Variants in COL6A3 observed in about 807,000 individuals in gnomAD.
COL6A3 encodes collagen type VI alpha 3 chain.
In COL6A3, 137 loss-of-function variants were observed where a neutral mutation model predicts 274.1. The observed-to-expected ratio is 0.50, with a 90% confidence interval of 0.44 to 0.58. The LOEUF is 0.58. COL6A3 is among the 20% of genes least tolerant of loss of function. The pLI is 0.00. For synonymous variants in COL6A3, 1,650 were observed against 1,650.6 expected, an observed-to-expected ratio of 1.00 and a Z score of 0.01; for missense variants, 3,950 against 4,124.9, an observed-to-expected ratio of 0.96 and a Z score of 1.16.
At position 237,394,767 on chromosome 2, in the gene COL6A3, C is replaced by G; in HGVS notation, c.529G>C (p.Val177Leu). 1 of 1,614,228 alleles carries G rather than the reference C, an allele frequency of 6.2e-7. No homozygotes were observed. The highest frequency in any genetic ancestry group is 2.2e-5 in the East Asian group (1 of 44,890). ...AACGCTCCTTCATCTGCATCCTCAA[C>G]TCCAATTGCAAACACGTTAACATCA... ...SADVNVFAIG[V>L]EDADEGALKE... The change falls in exon 3 of 44, where the codon GTT becomes CTT. Residue 177 changes from valine (V) to leucine (L), a missense_variant. Val to Leu is a conservative substitution (Grantham distance 32). Around this residue, in one of 5 missense-constraint regions of COL6A3, gnomAD observed 1,934 missense variants for 1,984.3 expected, o/e 0.97. Transcript: ENST00000295550.
Position 237,395,312 on chromosome 2 carries a change from C to T in COL6A3, c.92-108G>A, listed in dbSNP as rs2078409959. 3.4e-5 allele frequency: 37 copies of T among 1,093,450 alleles called. 1 individual carries two copies. The South Asian group carries it at 5.1e-4, about 15-fold the overall frequency. The allele number at this position is 1,093,450 out of a possible 1,614,324, so 67.7% of individuals were successfully genotyped here. ...TGGTTTACACTATACTGCTACTAAA[C>T]ACTTCACACCTCACTGATAATACAG... On this transcript the variant is annotated intron_variant, in intron 2 of 43. Coordinates refer to ENST00000295550, the MANE Select transcript of COL6A3 (RefSeq NM_004369.4).
At chr2:237,369,311 G>A (rs772649524) in intron 9 of COL6A3, 134 bp from the exon 10 acceptor site, 96 of 1,263,158 alleles carry the variant, frequency 7.6e-5, no homozygotes, top group Admixed American at 1.7e-4. Flanking sequence ...TTTGTATCTC[G>A]GGCTTTTTGA....
Position 237,348,342 on chromosome 2 carries a change from T to G in COL6A3, c.6966+7A>C. ...TGATGATGCTTCACCGACCAGGGAT[T>G]ATTTACCTTTGGTCCTGGGTATCCA... On this transcript the variant is annotated splice_region_variant and intron_variant, in intron 30 of 43. Coordinates refer to ENST00000295550, the MANE Select transcript of COL6A3 (RefSeq NM_004369.4). 1 of 1,606,844 alleles carries G rather than the reference T, an allele frequency of 6.2e-7. No individual in the cohort carries two copies. Among genetic ancestry groups the G allele is most frequent in the Non-Finnish European group, 8.5e-7 (1 of 1,173,390 alleles).
intron 1 of COL6A3, among the ~76,000 whole-genome samples, chr2:237,404,304 T>C (rs1356102483): frequency 6.6e-6 from 1 of 152,164 alleles, no homozygotes; most frequent in East Asian, 1.9e-4. Context: ...TAAGGGTCCA[T>C]GTTTGTATGT....
At chr2:237,383,946 G>C (rs1250338523) in intron 4 of COL6A3, among the ~76,000 whole-genome samples, 1 of 152,080 alleles carries the variant, frequency 6.6e-6, no homozygotes, top group African/African-American at 2.4e-5. Flanking sequence ...GTTCCCAGAG[G>C]CTCTGTCCCA....
Position 237,336,360 on chromosome 2 carries a change from G to A in COL6A3, c.8740C>T (p.Pro2914Ser), listed in dbSNP as rs1373565294. 1 of 1,614,158 alleles carries A rather than the reference G, an allele frequency of 6.2e-7. No homozygotes were observed. The part of the protein sequence containing the change: ...SVKPAAAKPA[P>S]AKPVAAKPVA... ...GGCTTGGCAGCCACAGGTTTCGCAG[G>A]GGCCGGCTTTGCAGCGGCTGGCTTC... The change falls in exon 40 of 44, where the codon CCT (proline) becomes TCT (serine). Residue 2914 changes from proline (P) to serine (S), a missense_variant. By Grantham distance (74) the Pro-to-Ser change is moderately conservative (BLOSUM62 -1). Coordinates refer to ENST00000295550, the MANE Select transcript of COL6A3 (RefSeq NM_004369.4).
Position 237,374,727 on chromosome 2 carries a change from T to G in COL6A3, c.3364A>C (p.Ser1122Arg), listed in dbSNP as rs1333400103. The change falls in exon 8 of 44, where the codon AGC becomes CGC. Residue 1122 changes from serine (S) to arginine (R), a missense_variant. Ser to Arg is a moderately radical substitution (Grantham distance 110). This residue lies in a region of COL6A3 where 1,934 missense variants were observed against 1,984.3 expected (regional missense o/e 0.97). Transcript: ENST00000295550. The surrounding 1 kb of genome is among the most constrained non-coding windows in gnomAD (Gnocchi z 4.8). The part of the protein sequence containing the change: ...LEFVLRNILV[S>R]SAGSRITEGV... ...TCTGTTATCCTGCTTCCCGCAGAGCTGACCAGGATGTTCCTCAGGACAAAC... is the reference window on the plus strand; with the variant it reads ...TCTGTTATCCTGCTTCCCGCAGAGCGGACCAGGATGTTCCTCAGGACAAAC... 6.2e-7 allele frequency: 1 copy of G among 1,613,250 alleles called. No homozygotes were observed. Among genetic ancestry groups the G allele is most frequent in the Non-Finnish European group, 8.5e-7 (1 of 1,179,304 alleles).
At chr2:237,347,098 G>C (rs1199809795) in intron 31 of COL6A3, among the ~76,000 whole-genome samples, 1 of 151,936 alleles carries the variant, frequency 6.6e-6, no homozygotes, top group Non-Finnish European at 1.5e-5. Context: ...ATTTTAAGAG[G>C]GTGAGTAAAC....
At chr2:237,333,623 T>A (rs939547308) in intron 41 of COL6A3, 75 bp from the exon 42 acceptor site, 2 of 1,271,530 alleles carry the variant, frequency 1.6e-6, no homozygotes, top group Admixed American at 1.8e-5. Context: ...GTGACTGATA[T>A]AAGGTTGCCT....
Position 237,371,791 on chromosome 2 carries a change from G to A in COL6A3, c.4226C>T (p.Thr1409Met), listed in dbSNP as rs368928992. ...SLEQKLLTPITTLTSEQIQKL... is the reference protein window; with the variant it reads ...SLEQKLLTPIMTLTSEQIQKL... ...CTGGATCTGCTCTGAGGTCAGGGTC[G>A]TGATGGGCGTCAGCAGTTTCTGCTC... The change falls in exon 9 of 44, where the codon ACG becomes ATG. Residue 1409 changes from threonine to methionine, a missense_variant. Thr to Met is a moderately conservative substitution (Grantham distance 81). Transcript: ENST00000295550. This position sits in a 1 kb window ranked among gnomAD's most constrained non-coding sequence, Gnocchi z 4.3. 33 of 1,613,766 alleles carry A rather than the reference G, an allele frequency of 2.0e-5. No homozygotes were observed. The highest frequency in any genetic ancestry group is 4.0e-5 in the African/African-American group (3 of 74,910).
chr2:237,341,058 T>A lies in COL6A3; in HGVS notation c.7858A>T (p.Met2620Leu). The A allele has an allele frequency of 6.2e-7, 1 of 1,614,146 alleles. No individual in the cohort carries two copies. Among genetic ancestry groups the A allele is most frequent in the Non-Finnish European group, 8.5e-7 (1 of 1,180,026 alleles). The change falls in exon 38 of 44, where the codon ATG (methionine) becomes TTG (leucine). Residue 2620 changes from methionine to leucine, a missense_variant. By Grantham distance (15) the Met-to-Leu change is conservative. Around this residue, in one of 5 missense-constraint regions of COL6A3, gnomAD observed 1,284 missense variants for 1,349.7 expected, o/e 0.95. Coordinates refer to ENST00000295550, the MANE Select transcript of COL6A3 (RefSeq NM_004369.4). ...TCAGCGCTGTCTAAGATGAAAGCCA[T>A]GTCGATGTCCACATCGCTCCCTGCC... ...RAAGSDVDIDMAFILDSAETT... is the reference protein window; with the variant it reads ...RAAGSDVDIDLAFILDSAETT...
Position 237,372,388 on chromosome 2 carries a change from A to T in COL6A3, c.3680-51T>A, listed in dbSNP as rs570937430. ...TCACCTTCATCGTCACCAAATTCTT[A>T]GCGTTCATGAGCCACCGCCCAGTTT... On this transcript the variant is annotated intron_variant, in intron 8 of 43. Transcript: ENST00000295550. 13 of 1,599,802 alleles carry T rather than the reference A, an allele frequency of 8.1e-6. No homozygotes were observed. The South Asian group carries it at 1.4e-4, about 18-fold the overall frequency.
At chr2:237,390,126 G>A (rs925519756) in intron 3 of COL6A3, among the ~76,000 whole-genome samples, 7 of 152,182 alleles carry the variant, frequency 4.6e-5, no homozygotes, top group African/African-American at 9.7e-5. Context: ...ATATCAAGAC[G>A]TTTAAAAGAA....
At chr2:237,358,627 A>G (rs2077369645) in intron 20 of COL6A3, 44 bp from the exon 21 acceptor site, 2 of 1,491,848 alleles carry the variant, frequency 1.3e-6, no homozygotes, top group East Asian at 2.3e-5. Context: ...AGATGTTTCC[A>G]TTTTTATCTC....
chr2:237,325,493 T>C (rs1559180534), intron 43 of COL6A3, 67 bp downstream of exon 43: 6 of 1,538,336 alleles, frequency 3.9e-6, no homozygotes, highest in African/African-American at 1.4e-5. Context: ...CTAATATTTT[T>C]CAAGGTGACT....
intron 36 of COL6A3, 62 bp from the exon 37 acceptor site, chr2:237,342,223 T>G: frequency 7.7e-7 from 1 of 1,290,424 alleles, no homozygotes; most frequent in Non-Finnish European, 1.1e-6. Context: ...TCTGAAAATA[T>G]GGCAGAGGAG....
At chr2:237,367,929 G>T (rs1470853151) in intron 10 of COL6A3, among the ~76,000 whole-genome samples, 2 of 152,204 alleles carry the variant, frequency 1.3e-5, no homozygotes, top group Admixed American at 1.3e-4. Context: ...TGTGCCACAG[G>T]CAGCCTGGTA....
At position 237,381,112 on chromosome 2, in the gene COL6A3, T is replaced by C; in HGVS notation, c.1700A>G (p.Gln567Arg). ...TGGKSLDEIS[Q>R]PAQELKRSSI... is the part of the protein sequence containing the mutation. ...GCTTCTCTTCAGCTCCTGGGCAGGC[T>C]GGCTGATTTCATCTAGGGACTTACC... The change falls in exon 5 of 44, where the codon CAG becomes CGG. Residue 567 changes from glutamine to arginine, a missense_variant. Transcript: ENST00000295550. The C allele has an allele frequency of 6.2e-7, 1 of 1,614,258 alleles. No individual in the cohort carries two copies. The highest frequency in any genetic ancestry group is 1.3e-5 in the African/African-American group (1 of 75,076).
chr2:237,397,162 AG>A (rs1486928106), intron 1 of COL6A3, among the ~76,000 whole-genome samples: 3 of 144,226 alleles, frequency 2.1e-5, no homozygotes, highest in Non-Finnish European at 4.6e-5. Context: ...AGAGAAGGGA[AG>A]GGAAGGGAGA....
Sources: gnomAD v4.1 joint callset for allele counts (sites outside exome capture counted in the v4.1 genomes callset) on GRCh38, gnomAD v4.1.1 for gene constraint, gnomAD v4.1.1 regional missense constraint, Gnocchi (gnomAD v3.1) non-coding constraint, MANE v1.5 for transcripts, NCBI Gene and HGNC (gene_info 2026-07-23, HGNC 2026-07-21) for gene names.